Variants in LPIN1 observed in about 807,000 individuals in gnomAD.
The protein encoded by LPIN1 is lipin 1, also known as phosphatidate phosphatase LPIN1.
Under a neutral mutation model 107.5 loss-of-function variants are expected in LPIN1, and 71 were observed. That is an observed-to-expected ratio of 0.66 (90% confidence interval 0.55 to 0.80). The LOEUF (loss-of-function observed/expected upper bound fraction) is 0.80, where lower values mean the gene tolerates loss of function less well. LPIN1 is among the 30% of genes least tolerant of loss of function. LPIN1 has a pLI of 0.00. For synonymous variants in LPIN1, 445 were observed against 452.6 expected, an observed-to-expected ratio of 0.98 and a Z score of 0.21; for missense variants, 1,043 against 1,160.6, an observed-to-expected ratio of 0.90 and a Z score of 1.47.
At chr2:11,726,843 CT>C (rs1157771933) in intron 1 of LPIN1, among the ~76,000 whole-genome samples, 14 of 152,224 alleles carry the variant, frequency 9.2e-5, no homozygotes, top group Admixed American at 2.6e-4. Context: ...CTCTCCTAGT[CT>C]TTCATGATCT....
rs1351772265 is a variant in LPIN1 at position 11,815,135 on chromosome 2, C to T, written c.2297C>T (p.Ala766Val). 6.8e-6 allele frequency: 11 copies of T among 1,614,030 alleles called. No homozygotes were observed. The highest frequency in any genetic ancestry group is 3.3e-5 in the Admixed American group (2 of 60,004). Residue 766 changes from alanine (A) to valine (V), a missense_variant, in exon 18 of 21, where the codon GCG becomes GTG. By Grantham distance (64) the Ala-to-Val change is moderately conservative. Coordinates refer to ENST00000674199, the MANE Select transcript of LPIN1 (RefSeq NM_001349206.2). ...TGTTCTGCCCGTGCCATCGGGATGGCGGACATGACGCGGGGCTACCTGCAC... is the reference window on the plus strand; with the variant it reads ...TGTTCTGCCCGTGCCATCGGGATGGTGGACATGACGCGGGGCTACCTGCAC... ...LYCSARAIGM[A>V]DMTRGYLHWV...
chr2:11,707,668 C>A lies in LPIN1; in HGVS notation c.82-6088C>A, dbSNP rs1486762145. ...ACGCACGGGGAGAAGTGCTCGGGGT[C>A]CCCCACTGGAGGTGGAGCTGCAGGA... On this transcript the variant is annotated intron_variant, in intron 1 of 21. Coordinates refer to the LPIN1 transcript ENST00000449576. The surrounding 1 kb of genome is among the most constrained non-coding windows in gnomAD (Gnocchi z 4.2). Among the ~76,000 whole-genome samples, 2 of 152,020 alleles carry A rather than the reference C, an allele frequency of 1.3e-5. No individual in the cohort carries two copies. Among genetic ancestry groups the A allele is most frequent in the African/African-American group, 4.8e-5 (2 of 41,402 alleles).
intron 7 of LPIN1, 23 bp downstream of exon 7, chr2:11,779,668 C>T: frequency 3.1e-6 from 5 of 1,613,410 alleles, no homozygotes; most frequent in Non-Finnish European, 4.2e-6. Context: ...TCAATTCTGC[C>T]ACGGACCGAA....
rs770637306 is a variant in LPIN1, at chr2:11,803,028, C to T, written c.2008C>T (p.Gln670Ter). 1.2e-6 allele frequency: 2 copies of T among 1,612,424 alleles called. No individual in the cohort carries two copies. Among genetic ancestry groups the T allele is most frequent in the South Asian group, 1.1e-5 (1 of 91,008 alleles). The part of the protein sequence containing the change: ...YKKTLRLTSE[Q>*]LKSLKLKNGP... ...GAAGACTCTCCGGCTGACTTCCGAG[C>T]AGCTTGTGAGTCTCCCATGCTTGGC... Residue 670 changes from glutamine (Q) to a stop codon, truncating the protein, a stop_gained, in exon 15 of 21, where the codon CAG (glutamine) becomes TAG (stop). Transcript: ENST00000674199. LOFTEE classifies it high-confidence loss of function. This position sits in a 1 kb window ranked among gnomAD's most constrained non-coding sequence, Gnocchi z 4.2.
In LPIN1 at chr2:11,787,563, G is replaced by A. The variant is rs140569657; in HGVS notation, c.1643+396G>A. Among the ~76,000 whole-genome samples, 424 of 152,014 alleles carry A rather than the reference G, an allele frequency of 2.8e-3. 1 individual carries two copies. The highest frequency in any genetic ancestry group is 9.9e-3 in the African/African-American group (410 of 41,480). The stretch of plus-strand genomic sequence containing the variant: ...TTTCAGGTGTGAGCCACTACACCCA[G>A]CTCGATGTTCTTATTGAATGTGAAT... On this transcript the variant is annotated intron_variant, in intron 11 of 20. Coordinates refer to ENST00000674199, the MANE Select transcript of LPIN1 (RefSeq NM_001349206.2).
In LPIN1 at chr2:11,823,527, G is replaced by A. The variant is rs373660518; in HGVS notation, c.2622-1105G>A. ...GGTCCTTTATTAAATATACACACTC[G>A]GCTTCATTTAGTACATTATTTTATA... On this transcript the variant is annotated intron_variant, in intron 20 of 20. Transcript: ENST00000674199. Among the ~76,000 whole-genome samples, 846 of 123,962 alleles carry A rather than the reference G, an allele frequency of 6.8e-3. 5 individuals are homozygous for A. The highest frequency in any genetic ancestry group is 0.022 in the African/African-American group (687 of 30,816). The allele number at this position is 123,962 out of a possible 152,430, so 81.3% of individuals were successfully genotyped here.
chr2:11,744,261 TGA>T (rs1334859813), upstream of LPIN1, among the ~76,000 whole-genome samples: 2 of 152,204 alleles, frequency 1.3e-5, no homozygotes, highest in African/African-American at 4.8e-5. Flanking sequence ...CTCTCCTGGC[TGA>T]GTCACTGCTC....
chr2:11,678,704 G>A (rs1409619106), intron 1 of LPIN1, among the ~76,000 whole-genome samples: 1 of 152,220 alleles, frequency 6.6e-6, no homozygotes, highest in African/African-American at 2.4e-5. Flanking sequence ...TGGGGCTGGT[G>A]TCCAGGCGGC....
upstream of LPIN1, among the ~76,000 whole-genome samples, chr2:11,721,131 G>T (rs1239253190): frequency 6.6e-6 from 1 of 152,040 alleles, no homozygotes; most frequent in Non-Finnish European, 1.5e-5. Flanking sequence ...TATTGGGCGG[G>T]ATGTTACCTA....
chr2:11,809,437 A>C (rs1341456519), intron 17 of LPIN1, among the ~76,000 whole-genome samples: 1 of 150,968 alleles, frequency 6.6e-6, no homozygotes, highest in South Asian at 2.1e-4. Flanking sequence ...TTTTTTGGAG[A>C]TGGAGTTTTG....
intron 1 of LPIN1, among the ~76,000 whole-genome samples, chr2:11,759,143 T>G (rs1191781078): frequency 1.5e-5 from 2 of 131,366 alleles, no homozygotes; most frequent in Non-Finnish European, 1.7e-5. Context: ...TTTTCTTTCT[T>G]TCTTTCTTTC....
intron 17 of LPIN1, among the ~76,000 whole-genome samples, chr2:11,807,778 G>A (rs1015371522): frequency 2.0e-5 from 3 of 152,156 alleles, no homozygotes; most frequent in African/African-American, 4.8e-5. Context: ...TGATTTGCAG[G>A]ATGGCCAGGG....
At chr2:11,695,020 A>T (rs1259435859) in intron 1 of LPIN1, among the ~76,000 whole-genome samples, 1 of 152,082 alleles carries the variant, frequency 6.6e-6, no homozygotes, top group African/African-American at 2.4e-5. Flanking sequence ...ATACCTGAAA[A>T]CCAAGGCCCC....
chr2:11,775,670 G>T (rs1672545456), intron 5 of LPIN1, among the ~76,000 whole-genome samples: 2 of 152,134 alleles, frequency 1.3e-5, no homozygotes, highest in Non-Finnish European at 2.9e-5. Context: ...GAAACAGAAA[G>T]TGAAATAGGT....
intron 1 of LPIN1, among the ~76,000 whole-genome samples, chr2:11,726,678 C>T (rs190717792): frequency 1.3e-5 from 2 of 152,286 alleles, no homozygotes; most frequent in Non-Finnish European, 1.5e-5. Context: ...AATGTTGAGC[C>T]AGTTATTTTT....
chr2:11,784,208 G>A (rs1353217498), intron 9 of LPIN1: 28 of 822,820 alleles, frequency 3.4e-5, no homozygotes, highest in Non-Finnish European at 4.3e-5. Flanking sequence ...GGAGGCTGAG[G>A]CAGGAGAATT....
chr2:11,740,411 C>A (rs533086511), intron 1 of LPIN1, among the ~76,000 whole-genome samples: 1 of 152,220 alleles, frequency 6.6e-6, no homozygotes, highest in Admixed American at 6.5e-5. Context: ...AACCATCACA[C>A]CCTTCAATTA....
rs961885533 is a variant in LPIN1, at chr2:11,707,450, G to A, written c.82-6306G>A. Among the ~76,000 whole-genome samples, 3 of 152,190 alleles carry A rather than the reference G, an allele frequency of 2.0e-5. No individual in the cohort carries two copies. The highest frequency in any genetic ancestry group is 4.8e-5 in the African/African-American group (2 of 41,428). On this transcript the variant is annotated intron_variant, in intron 1 of 21. Coordinates refer to the LPIN1 transcript ENST00000449576. This position sits in a 1 kb window ranked among gnomAD's most constrained non-coding sequence, Gnocchi z 4.2. ...GCCAGACCCCCTGAGGCCACTGTAGGGCCCTGGAATTTACTGAGCAGACCG... is the reference window on the plus strand; with the variant it reads ...GCCAGACCCCCTGAGGCCACTGTAGAGCCCTGGAATTTACTGAGCAGACCG...
At chr2:11,797,950 G>A (rs1677016208) in intron 14 of LPIN1, among the ~76,000 whole-genome samples, 1 of 152,140 alleles carries the variant, frequency 6.6e-6, no homozygotes, top group African/African-American at 2.4e-5. Context: ...TAATCCCCAG[G>A]TGTCAAGGGT....
Sources: allele counts gnomAD v4.1 joint callset (sites outside exome capture counted in the v4.1 genomes callset), GRCh38; gene constraint gnomAD v4.1.1; non-coding constraint Gnocchi (gnomAD v3.1); transcripts MANE v1.5; gene names NCBI Gene and HGNC (gene_info 2026-07-23, HGNC 2026-07-21).